The following COBLL1 variants were observed in gnomAD, a reference collection of about 807,000 sequenced individuals.
The protein encoded by COBLL1 is cordon-bleu WH2 repeat protein like 1.
COBLL1 carries 50 observed loss-of-function variants against 94.8 expected under a neutral mutation model. The observed-to-expected ratio is 0.53, with a 90% CI of 0.42 to 0.67. The LOEUF is 0.67. COBLL1 is among the 30% of genes least tolerant of loss of function. COBLL1 has a pLI of 0.00. For missense variants in COBLL1, 1,362 were observed against 1,348.7 expected (o/e 1.01, Z -0.15); for synonymous variants, 448 against 473.8 (o/e 0.95, Z 0.71).
At chr2:164,758,405 T>C (rs548442890) in intron 2 of COBLL1, among the ~76,000 whole-genome samples, 55 of 152,218 alleles carry the variant, frequency 3.6e-4, no homozygotes, top group African/African-American at 1.3e-3. Flanking sequence ...TAAACATTTA[T>C]AGAAATGACC....
chr2:164,668,331 G>A (rs1691197014), intron 1 of COBLL1, among the ~76,000 whole-genome samples: 1 of 152,156 alleles, frequency 6.6e-6, no homozygotes, highest in Non-Finnish European at 1.5e-5. Flanking sequence ...CAAAGTGAGA[G>A]CCTTTAACTC....
At chr2:164,823,853 C>T (rs1685302377) in intron 2 of COBLL1, among the ~76,000 whole-genome samples, 1 of 152,142 alleles carries the variant, frequency 6.6e-6, no homozygotes, top group Admixed American at 6.5e-5. Context: ...TCTGGAATCA[C>T]CTTCACCCAA....
Position 164,841,480 on chromosome 2 carries a change from C to T in COBLL1, c.-51+230G>A, listed in dbSNP as rs924187325. ...GAGGAGGCGGTGGCGCTGCAGCCCC[C>T]GCCCCGTGGGGTTTACTGGGTAGCC... On this transcript the variant is annotated intron_variant, in intron 1 of 13. Coordinates refer to ENST00000652658, the MANE Select transcript of COBLL1 (RefSeq NM_001365672.2). This position sits in a 1 kb window ranked among gnomAD's most constrained non-coding sequence, Gnocchi z 5.5. 8 of 1,133,364 alleles carry T rather than the reference C, an allele frequency of 7.1e-6. No homozygotes were observed. The highest frequency in any genetic ancestry group is 8.7e-6 in the Non-Finnish European group (8 of 924,624). 70.2% of individuals were successfully genotyped at this position (1,133,364 alleles called of 1,614,324 possible). A position where few individuals can be genotyped will look rare whatever the true frequency, so the allele number is the denominator to read the frequency against.
chr2:164,778,685 C>T (rs1688591330), intron 2 of COBLL1, among the ~76,000 whole-genome samples: 1 of 152,072 alleles, frequency 6.6e-6, no homozygotes, highest in African/African-American at 2.4e-5. Context: ...GTCATATGAT[C>T]TTATTTGCAT....
chr2:164,762,832 G>A (rs1373757318), intron 2 of COBLL1, among the ~76,000 whole-genome samples: 1 of 151,908 alleles, frequency 6.6e-6, no homozygotes, highest in Admixed American at 6.6e-5. Context: ...GAGTAGCTGG[G>A]ACTACAGGCG....
chr2:164,742,301 A>C (rs1686640527), intron 3 of COBLL1, among the ~76,000 whole-genome samples: 1 of 152,072 alleles, frequency 6.6e-6, no homozygotes, highest in Admixed American at 6.6e-5. Flanking sequence ...TTGTGATGAA[A>C]CCAACATCAC....
intron 2 of COBLL1, among the ~76,000 whole-genome samples, chr2:164,665,346 G>A (rs796981784): frequency 0.015 from 1,475 of 97,090 alleles, 19 homozygotes; most frequent in African/African-American, 0.018. Context: ...AAAAAAGAAA[G>A]AAAGAAAGAA....
At chr2:164,743,139 T>A (rs1294942983) in intron 3 of COBLL1, 1 of 152,160 alleles carries the variant, frequency 6.6e-6, no homozygotes, top group Non-Finnish European at 1.5e-5. Context: ...ACCCACATTT[T>A]AAATAAAGTA....
intron 2 of COBLL1, among the ~76,000 whole-genome samples, chr2:164,762,087 T>C (rs1260468691): frequency 6.6e-6 from 1 of 152,226 alleles, no homozygotes; most frequent in African/African-American, 2.4e-5. Context: ...CTCTTCACTC[T>C]GTGGAAAAAT....
At chr2:164,756,165 A>T (rs971898385) in intron 2 of COBLL1, among the ~76,000 whole-genome samples, 1 of 152,022 alleles carries the variant, frequency 6.6e-6, no homozygotes, top group African/African-American at 2.4e-5. Context: ...TTTGGCTTTC[A>T]CTAGAGGTCT....
chr2:164,804,583 G>A (rs145396945), intron 2 of COBLL1, among the ~76,000 whole-genome samples: 18 of 152,114 alleles, frequency 1.2e-4, no homozygotes, highest in South Asian at 8.3e-4. Context: ...TTCTTATAAC[G>A]TGGCTGACAA....
chr2:164,804,275 T>A (rs1282571628), intron 2 of COBLL1, among the ~76,000 whole-genome samples: 9 of 151,972 alleles, frequency 5.9e-5, no homozygotes, highest in African/African-American at 2.2e-4. Flanking sequence ...AGACCAGCAA[T>A]CTCCAGACGT....
At chr2:164,701,996 T>A (rs1684301390) in intron 9 of COBLL1, among the ~76,000 whole-genome samples, 1 of 152,086 alleles carries the variant, frequency 6.6e-6, no homozygotes, top group South Asian at 2.1e-4. Context: ...ATATTTAAAG[T>A]ACTTAAAATA....
intron 2 of COBLL1, among the ~76,000 whole-genome samples, chr2:164,815,334 G>A (rs955668664): frequency 1.3e-5 from 2 of 151,486 alleles, no homozygotes; most frequent in African/African-American, 2.4e-5. Context: ...AGGAGGCGGA[G>A]GTTGCAGTGA....
chr2:164,712,598 C>T (rs946210535), intron 7 of COBLL1, among the ~76,000 whole-genome samples: 2 of 152,020 alleles, frequency 1.3e-5, no homozygotes, highest in African/African-American at 4.8e-5. Flanking sequence ...AGTTTTAACT[C>T]TTAACTCTTG....
intron 2 of COBLL1, among the ~76,000 whole-genome samples, chr2:164,793,044 T>G (rs981037522): frequency 1.3e-5 from 2 of 152,186 alleles, no homozygotes; most frequent in African/African-American, 4.8e-5. Flanking sequence ...AGCCACATGC[T>G]TATCTTCTGC....
At chr2:164,690,869 C>T (rs762022877) in intron 13 of COBLL1, among the ~76,000 whole-genome samples, 13 of 152,046 alleles carry the variant, frequency 8.6e-5, no homozygotes, top group Non-Finnish European at 1.6e-4. Flanking sequence ...CCTTAATTTA[C>T]AAGATCAGAA....
rs942049691 is a variant in COBLL1, at chr2:164,788,729, C to T, written c.42-44854G>A. On this transcript the variant is annotated intron_variant, in intron 2 of 13. Transcript: ENST00000652658. ...ACTGGCCGGACACAGTGGCTCACAC[C>T]TGTAATCTCAGCACTCTGGCAGGCC... Among the ~76,000 whole-genome samples, 11 of 152,070 alleles carry T rather than the reference C, an allele frequency of 7.2e-5. No individual in the cohort carries two copies. In the South Asian group the frequency reaches 2.1e-3, roughly 29 times the overall value.
chr2:164,773,013 G>A (rs1466252144), intron 2 of COBLL1, among the ~76,000 whole-genome samples: 1 of 93,696 alleles, frequency 1.1e-5, no homozygotes, highest in Non-Finnish European at 2.2e-5. Context: ...AGGTTCATGT[G>A]CTAAAGGATT....
Sources: gnomAD v4.1 joint callset for allele counts (sites outside exome capture counted in the v4.1 genomes callset) on GRCh38, gnomAD v4.1.1 for gene constraint, Gnocchi (gnomAD v3.1) non-coding constraint, MANE v1.5 for transcripts, NCBI Gene and HGNC (gene_info 2026-07-23, HGNC 2026-07-21) for gene names.